DCAF8L2: variants seen among roughly 807,000 people sequenced by gnomAD.
The protein encoded by DCAF8L2 is DDB1- and CUL4-associated factor 8-like protein 2.
For synonymous variants in DCAF8L2, 200 were observed against 190.9 expected, an observed-to-expected ratio of 1.05 and a Z score of -0.39; for missense variants, 430 against 490.7, an observed-to-expected ratio of 0.88 and a Z score of 1.17.
chrX:27,475,762 T>C, the DCAF8L2 span, among the ~76,000 whole-genome samples: 22 of 112,432 alleles, frequency 2.0e-4, no homozygotes, highest in African/African-American at 6.8e-4. Flanking sequence ...ATTGCAGTAG[T>C]GTTTAAATGC....
the DCAF8L2 span, among the ~76,000 whole-genome samples, chrX:27,482,454 C>T: frequency 9.0e-6 from 1 of 111,367 alleles, no homozygotes. Context: ...GACATAATTT[C>T]CTCTTATCCT....
Position 27,748,038 on chromosome X carries a change from A to G in DCAF8L2, c.1143A>G (p.Gln381=). Reference sequence around the variant, plus strand: ...CTGTGAATCCCGCCAATACCTACCAATTTGCAGTGGGTGGACAAGATCAGT... The same window carrying G: ...CTGTGAATCCCGCCAATACCTACCAGTTTGCAGTGGGTGGACAAGATCAGT... ...TITVNPANTY[Q]FAVGGQDQFV... The change falls in exon 5 of 5, where the codon CAA becomes CAG. Residue 381 remains glutamine (Q), a synonymous_variant. Transcript: ENST00000451261. 8.3e-7 allele frequency: 1 copy of G among 1,211,991 alleles called. No individual in the cohort carries two copies. The highest frequency in any genetic ancestry group is 1.1e-6 in the Non-Finnish European group (1 of 895,523).
At chrX:27,583,287 G>A in the DCAF8L2 span, among the ~76,000 whole-genome samples, 2 of 111,269 alleles carry the variant, frequency 1.8e-5, no homozygotes, top group African/African-American at 3.3e-5. Flanking sequence ...ACAATCCCCC[G>A]TTCCCTTTTG....
the DCAF8L2 span, among the ~76,000 whole-genome samples, chrX:27,560,371 T>C: frequency 9.9e-5 from 11 of 111,403 alleles, no homozygotes; most frequent in Non-Finnish European, 2.1e-4. Flanking sequence ...TGTGAGTCTA[T>C]AATTCCACTA....
Position 27,747,996 on chromosome X carries a change from G to C in DCAF8L2, c.1101G>C (p.Val367=), listed in dbSNP as rs766335953. The part of the protein sequence containing the change: ...VVVTRENDKK[V]GLYTITVNPA... The stretch of plus-strand genomic sequence containing the variant: ...TAACAAGAGAAAATGATAAGAAAGT[G>C]GGACTGTATACAATTACTGTGAATC... Residue 367 remains valine (V), a synonymous_variant, in exon 5 of 5, where the codon GTG becomes GTC. Coordinates refer to ENST00000451261, the MANE Select transcript of DCAF8L2 (RefSeq NM_001353450.2). 4 of 1,209,967 alleles carry C rather than the reference G, an allele frequency of 3.3e-6. No individual in the cohort carries two copies. The highest frequency in any genetic ancestry group is 3.5e-5 in the African/African-American group (2 of 57,178).
chrX:27,743,736 T>C (rs996218848), intron 4 of DCAF8L2, among the ~76,000 whole-genome samples: 35 of 98,739 alleles, frequency 3.5e-4, no homozygotes, highest in African/African-American at 1.3e-3. Context: ...TTTATTTATT[T>C]ATTTATTTAT....
At chrX:27,650,666 CTTGT>C (rs751454514) in intron 2 of DCAF8L2, among the ~76,000 whole-genome samples, 156 of 112,519 alleles carry the variant, frequency 1.4e-3, no homozygotes, top group African/African-American at 4.5e-3. Flanking sequence ...TGAAATTTTA[CTTGT>C]TTGTCAGTTC....
chrX:27,653,882 A>G, intron 2 of DCAF8L2, among the ~76,000 whole-genome samples: 1 of 111,409 alleles, frequency 9.0e-6, no homozygotes, highest in East Asian at 2.8e-4. Context: ...CATTTGGTCA[A>G]TGTCCAAATG....
the DCAF8L2 span, among the ~76,000 whole-genome samples, chrX:27,543,342 A>C: frequency 6.3e-5 from 7 of 111,903 alleles, no homozygotes; most frequent in African/African-American, 2.0e-4. Context: ...ATTGGTCTAC[A>C]TGTCTGTTTT....
At chrX:27,674,666 G>A (rs926815129) in intron 2 of DCAF8L2, among the ~76,000 whole-genome samples, 4 of 111,644 alleles carry the variant, frequency 3.6e-5, no homozygotes, top group Non-Finnish European at 7.5e-5. Context: ...ATTGGCAGGG[G>A]TTCAGGAATC....
intron 3 of DCAF8L2, among the ~76,000 whole-genome samples, chrX:27,711,816 C>A (rs1449307406): frequency 9.1e-6 from 1 of 110,341 alleles, no homozygotes; most frequent in African/African-American, 3.3e-5. Flanking sequence ...AACAAAGAAG[C>A]CACCAGAAAC....
At chrX:27,643,868 A>G (rs1392237274) in intron 2 of DCAF8L2, among the ~76,000 whole-genome samples, 1 of 111,677 alleles carries the variant, frequency 9.0e-6, no homozygotes, top group Non-Finnish European at 1.9e-5. Flanking sequence ...ATCTCTACCT[A>G]CTTGGTGACT....
intron 1 of DCAF8L2, among the ~76,000 whole-genome samples, chrX:27,606,102 A>G (rs1286666835): frequency 9.6e-6 from 1 of 104,217 alleles, no homozygotes; most frequent in Non-Finnish European, 1.9e-5. Flanking sequence ...GGGAAGAGCC[A>G]CGGAAGTACT....
Position 27,748,942 on chromosome X carries a change from T to A in DCAF8L2, c.*151T>A. Reference sequence around the variant, plus strand: ...TGCTGAAAACCGTCTCTTCCATTCCTTCCTCTCTACTTTCCTTTCTTTCTT... The same window carrying A: ...TGCTGAAAACCGTCTCTTCCATTCCATCCTCTCTACTTTCCTTTCTTTCTT... On this transcript the variant is annotated 3_prime_UTR_variant, in exon 5 of 5. Coordinates refer to ENST00000451261, the MANE Select transcript of DCAF8L2 (RefSeq NM_001353450.2). 1 of 670,024 alleles carries A rather than the reference T, an allele frequency of 1.5e-6. No homozygotes were observed. Among genetic ancestry groups the A allele is most frequent in the Non-Finnish European group, 2.1e-6 (1 of 470,820 alleles). The allele number at this position is 670,024 out of a possible 1,213,427, so 55.2% of individuals were successfully genotyped here. A position where few individuals can be genotyped will look rare whatever the true frequency, so the allele number is the denominator to read the frequency against.
chrX:27,523,925 G>A, the DCAF8L2 span, among the ~76,000 whole-genome samples: 51 of 110,951 alleles, frequency 4.6e-4, no homozygotes, highest in Non-Finnish European at 8.1e-4. Context: ...GCTTCATTCC[G>A]TTTGCCGGTA....
At chrX:27,508,701 A>G in the DCAF8L2 span, among the ~76,000 whole-genome samples, 1 of 103,232 alleles carries the variant, frequency 9.7e-6, no homozygotes, top group Admixed American at 1.1e-4. Flanking sequence ...GCTAAGTCTC[A>G]TACTAGATGA....
At chrX:27,714,438 C>T (rs1300050153) in intron 3 of DCAF8L2, among the ~76,000 whole-genome samples, 11 of 110,666 alleles carry the variant, frequency 9.9e-5, no homozygotes, top group African/African-American at 3.6e-4. Context: ...TCCTGTTTGT[C>T]ATAATAAGGC....
the DCAF8L2 span, among the ~76,000 whole-genome samples, chrX:27,573,006 C>T: frequency 8.8e-3 from 970 of 110,453 alleles, 11 homozygotes; most frequent in African/African-American, 0.03. Context: ...GTCTTATTTC[C>T]TATTGGTTTA....
Position 27,747,991 on chromosome X carries a change from A to G in DCAF8L2, c.1096A>G (p.Lys366Glu), listed in dbSNP as rs774285351. 118 of 1,210,332 alleles carry G rather than the reference A, an allele frequency of 9.7e-5. No individual in the cohort carries two copies. Among genetic ancestry groups the G allele is most frequent in the Admixed American group, 7.6e-4 (35 of 45,831 alleles). The change falls in exon 5 of 5, where the codon AAA (lysine) becomes GAA (glutamate). Residue 366 changes from lysine to glutamate, a missense_variant. Lys to Glu is a moderately conservative substitution (Grantham distance 56). Transcript: ENST00000451261. Reference sequence around the variant, plus strand: ...TGTGGTAACAAGAGAAAATGATAAGAAAGTGGGACTGTATACAATTACTGT... The same window carrying G: ...TGTGGTAACAAGAGAAAATGATAAGGAAGTGGGACTGTATACAATTACTGT... ...KVVVTRENDK[K>E]VGLYTITVNP...
Sources: allele counts gnomAD v4.1 joint callset (sites outside exome capture counted in the v4.1 genomes callset), GRCh38; gene constraint gnomAD v4.1.1; transcripts MANE v1.5; gene names NCBI Gene and HGNC (gene_info 2026-07-23, HGNC 2026-07-21).